SYN3: variants seen among roughly 807,000 people sequenced by gnomAD.
SYN3 encodes synapsin III, also known as synapsin-3.
In SYN3, 35 loss-of-function variants were observed where a neutral mutation model predicts 65.8. The observed-to-expected ratio is 0.53, with a 90% CI of 0.41 to 0.70. The LOEUF is 0.70. Ranked by LOEUF, SYN3 falls within the 30% of genes least tolerant of loss-of-function variation. The pLI, the probability that SYN3 is intolerant of heterozygous loss-of-function variation, is 0.00. For synonymous variants in SYN3, 270 were observed against 292.9 expected, an observed-to-expected ratio of 0.92 and a Z score of 0.80; for missense variants, 680 against 749.0, an observed-to-expected ratio of 0.91 and a Z score of 1.08.
At chr22:32,748,015 C>T (rs1358822934) in intron 6 of SYN3, among the ~76,000 whole-genome samples, 1 of 152,292 alleles carries the variant, frequency 6.6e-6, no homozygotes, top group Non-Finnish European at 1.5e-5. Flanking sequence ...GACATGGCCT[C>T]GTGTCCTGGC....
chr22:32,850,867 C>A (rs115462858), intron 6 of SYN3, among the ~76,000 whole-genome samples: 1 of 152,166 alleles, frequency 6.6e-6, no homozygotes, highest in South Asian at 2.1e-4. Context: ...GGAGGAGTGA[C>A]GCAGCCCACG....
chr22:32,797,293 C>T (rs894573789), intron 6 of SYN3, among the ~76,000 whole-genome samples: 2 of 152,204 alleles, frequency 1.3e-5, no homozygotes, highest in African/African-American at 4.8e-5. Context: ...ACTTATTAAA[C>T]TCGTTGTTAC....
intron 9 of SYN3, among the ~76,000 whole-genome samples, chr22:32,536,968 C>T (rs1014850350): frequency 1.3e-4 from 20 of 152,138 alleles, no homozygotes; most frequent in African/African-American, 4.6e-4. Context: ...ATTTTTTCAT[C>T]CTTTAGCGCT....
chr22:32,853,320 C>T (rs60644079), intron 6 of SYN3, among the ~76,000 whole-genome samples: 4,295 of 152,200 alleles, frequency 0.028, 210 homozygotes, highest in African/African-American at 0.098. Context: ...ATAGCTCGGT[C>T]GGTCTGTAAA....
At chr22:32,736,072 TG>T (rs1449885492) in intron 6 of SYN3, among the ~76,000 whole-genome samples, 1 of 152,236 alleles carries the variant, frequency 6.6e-6, no homozygotes, top group African/African-American at 2.4e-5. Context: ...ATTGTGTTTT[TG>T]TTTCTTAATT....
At chr22:33,047,385 C>A (rs759487294) in intron 1 of SYN3, among the ~76,000 whole-genome samples, 4 of 152,172 alleles carry the variant, frequency 2.6e-5, no homozygotes, top group African/African-American at 4.8e-5. Context: ...ATGCTTTCAA[C>A]GTGGAGCCAT....
chr22:32,760,664 C>G (rs532520397), intron 6 of SYN3, among the ~76,000 whole-genome samples: 2 of 152,090 alleles, frequency 1.3e-5, no homozygotes, highest in South Asian at 4.2e-4. Flanking sequence ...CTGAAATTCA[C>G]CAGGCTCTGA....
intron 6 of SYN3, among the ~76,000 whole-genome samples, chr22:32,863,634 G>C (rs1459234344): frequency 2.0e-5 from 3 of 152,100 alleles, no homozygotes; most frequent in Non-Finnish European, 4.4e-5. Context: ...CATTGACAAC[G>C]TTCTAGGTTT....
intron 5 of SYN3, among the ~76,000 whole-genome samples, chr22:32,865,849 G>C (rs2048675398): frequency 6.6e-6 from 1 of 152,190 alleles, no homozygotes; most frequent in South Asian, 2.1e-4. Flanking sequence ...GGGAAGCATA[G>C]GGGGTGAAGG....
chr22:33,058,219 C>T (rs1056945087), intron 1 of SYN3, 73 bp downstream of exon 1: 8 of 152,312 alleles, frequency 5.3e-5, no homozygotes, highest in South Asian at 2.1e-4. Context: ...GCACCAGCAG[C>T]CCCCGCTCGA....
At chr22:32,910,314 G>T (rs181129959) in intron 4 of SYN3, among the ~76,000 whole-genome samples, 1 of 152,250 alleles carries the variant, frequency 6.6e-6, no homozygotes, top group East Asian at 1.9e-4. Flanking sequence ...GATGGGGGTG[G>T]GGAGAGGAGA....
chr22:32,980,980 G>A (rs148540733), intron 2 of SYN3, among the ~76,000 whole-genome samples: 2,343 of 151,636 alleles, frequency 0.015, 51 homozygotes, highest in African/African-American at 0.052. Context: ...TCAGCCTCCC[G>A]AGTAGCTGGG....
At chr22:32,938,188 T>C (rs941703637) in intron 3 of SYN3, among the ~76,000 whole-genome samples, 3 of 151,534 alleles carry the variant, frequency 2.0e-5, no homozygotes, top group East Asian at 3.9e-4. Context: ...TGTGAGAAAA[T>C]AGAAAACCAG....
chr22:32,894,476 C>G (rs1025945855), intron 4 of SYN3, among the ~76,000 whole-genome samples: 3 of 152,106 alleles, frequency 2.0e-5, no homozygotes, highest in African/African-American at 7.2e-5. Flanking sequence ...GACACGTGAC[C>G]CAATTCTGGT....
chr22:32,776,540 C>A (rs969449473), intron 6 of SYN3, among the ~76,000 whole-genome samples: 3 of 152,176 alleles, frequency 2.0e-5, no homozygotes, highest in Non-Finnish European at 4.4e-5. Flanking sequence ...GGTCACACAG[C>A]GGGCACCTGT....
At chr22:32,641,125 A>G (rs1194274521) in intron 6 of SYN3, among the ~76,000 whole-genome samples, 2 of 152,088 alleles carry the variant, frequency 1.3e-5, no homozygotes. Context: ...TATGAGAAAC[A>G]CCTCAATACA....
intron 4 of SYN3, among the ~76,000 whole-genome samples, chr22:32,903,253 T>C (rs950084169): frequency 6.6e-6 from 1 of 152,162 alleles, no homozygotes; most frequent in African/African-American, 2.4e-5. Flanking sequence ...TCTCATAGGG[T>C]TGTTTTGAAG....
At chr22:32,781,523 C>T (rs1183654904) in intron 6 of SYN3, among the ~76,000 whole-genome samples, 1 of 152,072 alleles carries the variant, frequency 6.6e-6, no homozygotes, top group African/African-American at 2.4e-5. Context: ...AATGCACTTA[C>T]CCCACAGGGC....
intron 6 of SYN3, chr22:32,859,510 A>C (rs895486946): frequency 4.3e-6 from 5 of 1,158,546 alleles, no homozygotes; most frequent in Non-Finnish European, 6.1e-6. Context: ...CATTTAAAGA[A>C]AGGTCTATGC....
Sources: gnomAD v4.1 joint callset for allele counts (sites outside exome capture counted in the v4.1 genomes callset) on GRCh38, gnomAD v4.1.1 for gene constraint, MANE v1.5 for transcripts, NCBI Gene and HGNC (gene_info 2026-07-23, HGNC 2026-07-21) for gene names.